TMEM74: variants seen among roughly 807,000 people sequenced by gnomAD.
The protein encoded by TMEM74 is transmembrane protein 74.
A neutral mutation model predicts 18.1 loss-of-function variants in TMEM74; 13 were observed. The observed-to-expected ratio is 0.72, with a 90% confidence interval of 0.47 to 1.14. TMEM74 has a LOEUF of 1.14. TMEM74 is among the 50% of genes most tolerant of loss of function. The pLI, the probability that TMEM74 is intolerant of heterozygous loss-of-function variation, is 0.00. For synonymous variants in TMEM74, 159 were observed against 146.6 expected, an observed-to-expected ratio of 1.08 and a Z score of -0.61; for missense variants, 372 against 375.9, an observed-to-expected ratio of 0.99 and a Z score of 0.09.
intron 1 of TMEM74, among the ~76,000 whole-genome samples, chr8:108,758,982 C>T (rs997143106): frequency 6.6e-6 from 1 of 151,930 alleles, no homozygotes; most frequent in Admixed American, 6.6e-5. Context: ...TTATATAATG[C>T]TTAAAGACAT....
intron 1 of TMEM74, among the ~76,000 whole-genome samples, chr8:108,666,375 AAG>A (rs1812949333): frequency 6.6e-6 from 1 of 152,202 alleles, no homozygotes; most frequent in Admixed American, 6.5e-5. Flanking sequence ...TAATTCCTAA[AAG>A]AATTTAAAAG....
At chr8:108,725,458 A>C (rs1813627711) in intron 1 of TMEM74, among the ~76,000 whole-genome samples, 1 of 152,154 alleles carries the variant, frequency 6.6e-6, no homozygotes, top group Non-Finnish European at 1.5e-5. Flanking sequence ...CATTCTTTTT[A>C]GTTTTCTTCC....
downstream of TMEM74, among the ~76,000 whole-genome samples, chr8:108,774,999 T>A (rs1393005100): frequency 6.6e-6 from 1 of 152,084 alleles, no homozygotes; most frequent in African/African-American, 2.4e-5. Context: ...ACCTCCAAAA[T>A]GTACATAGTA....
At chr8:108,615,792 C>T (rs1308839260) in intron 2 of TMEM74, among the ~76,000 whole-genome samples, 1 of 144,936 alleles carries the variant, frequency 6.9e-6, no homozygotes, top group African/African-American at 2.5e-5. Flanking sequence ...CTTTTATATA[C>T]CTGCAATGAT....
intron 1 of TMEM74, among the ~76,000 whole-genome samples, chr8:108,741,046 AAT>A (rs1813795099): frequency 6.6e-6 from 1 of 152,228 alleles, no homozygotes; most frequent in East Asian, 1.9e-4. Context: ...CAATATAGAT[AAT>A]ATCTTATAAA....
intron 1 of TMEM74, among the ~76,000 whole-genome samples, chr8:108,759,138 C>T (rs1300069441): frequency 1.3e-5 from 2 of 151,946 alleles, no homozygotes; most frequent in African/African-American, 2.4e-5. Context: ...GCTATAATCT[C>T]AATGGAAGTA....
intron 2 of TMEM74, among the ~76,000 whole-genome samples, chr8:108,619,784 A>G (rs16878302): frequency 0.11 from 17,211 of 152,186 alleles, 1,420 homozygotes; most frequent in East Asian, 0.43. Flanking sequence ...AAAACGTAAA[A>G]AAGTCATTTA....
intron 1 of TMEM74, among the ~76,000 whole-genome samples, chr8:108,684,413 A>G (rs7003635): frequency 0.029 from 4,457 of 151,766 alleles, 119 homozygotes; most frequent in African/African-American, 0.066. Context: ...TTTGAGAAAT[A>G]TCTCTTCAGA....
At chr8:108,688,450 G>T (rs1173038793) in intron 1 of TMEM74, among the ~76,000 whole-genome samples, 1 of 152,154 alleles carries the variant, frequency 6.6e-6, no homozygotes, top group South Asian at 2.1e-4. Flanking sequence ...GGCAGCTAGG[G>T]GAGCAAGGGC....
chr8:108,678,734 T>C (rs34668453), intron 1 of TMEM74, among the ~76,000 whole-genome samples: 36,612 of 150,036 alleles, frequency 0.24, 4,566 homozygotes, highest in East Asian at 0.29. Flanking sequence ...TTAAAATTTA[T>C]ATATTTATTT....
At position 108,767,298 on chromosome 8, in the gene TMEM74, G is replaced by T. The variant is rs371662273; in HGVS notation, n.119+20178C>A. Among the ~76,000 whole-genome samples the T allele has an allele frequency of 8.5e-5, 13 of 152,262 alleles. No homozygotes were observed. The South Asian group carries it at 2.3e-3, about 27-fold the overall frequency. ...GCTTGCTTCAAAATATTTAAGATGT[G>T]AGCATTAGCAAAACATGTTCACTAT... On this transcript the variant is annotated intron_variant and non_coding_transcript_variant, in intron 1 of 3. Transcript: ENST00000518838.
At chr8:108,609,107 T>C (rs1205542162) in intron 2 of TMEM74, among the ~76,000 whole-genome samples, 1 of 152,240 alleles carries the variant, frequency 6.6e-6, no homozygotes. Context: ...ATGGTTTCCC[T>C]CTTTGATCAT....
At chr8:108,692,365 C>A (rs904258359) in intron 1 of TMEM74, among the ~76,000 whole-genome samples, 3 of 152,306 alleles carry the variant, frequency 2.0e-5, no homozygotes, top group East Asian at 1.9e-4. Flanking sequence ...CTTCTTGAAA[C>A]CTGTCTTCTA....
rs1814316873 is a variant in TMEM74 at position 108,782,306 on chromosome 8, C to T, written c.*1875G>A. Among the ~76,000 whole-genome samples the T allele has an allele frequency of 6.6e-6, 1 of 152,176 alleles. No homozygotes were observed. The highest frequency in any genetic ancestry group is 1.5e-5 in the Non-Finnish European group (1 of 68,020). On this transcript the variant is annotated 3_prime_UTR_variant, in exon 2 of 2. Transcript: ENST00000297459. ...AGTTTGTTCAAAAAGCACAAAAATACAGCAACAGAAAGCAAAAATCATGTT... is the reference window on the plus strand; with the variant it reads ...AGTTTGTTCAAAAAGCACAAAAATATAGCAACAGAAAGCAAAAATCATGTT...
At chr8:108,747,222 G>A (rs1813857176) in intron 1 of TMEM74, among the ~76,000 whole-genome samples, 1 of 151,420 alleles carries the variant, frequency 6.6e-6, no homozygotes. Context: ...CCCAGCTGAT[G>A]TCAGGGAATT....
In TMEM74 at chr8:108,740,715, C is replaced by T. The variant is rs2130645824; in HGVS notation, n.119+46761G>A. Among the ~76,000 whole-genome samples, 3 of 152,268 alleles carry T rather than the reference C, an allele frequency of 2.0e-5. No individual in the cohort carries two copies. The South Asian group carries it at 6.2e-4, about 32-fold the overall frequency. ...ATCTGTGATCACTGATCTTGCTGTA[C>T]AGATCAGAAGGCTCTCGCTGCTGGG... On this transcript the variant is annotated intron_variant and non_coding_transcript_variant, in intron 1 of 3. Coordinates refer to the TMEM74 transcript ENST00000518838.
At chr8:108,610,978 G>A (rs1330570800) in intron 2 of TMEM74, among the ~76,000 whole-genome samples, 1 of 152,180 alleles carries the variant, frequency 6.6e-6, no homozygotes, top group African/African-American at 2.4e-5. Context: ...TGGATGAATG[G>A]TGCTCAGAGA....
At chr8:108,670,034 TGA>T (rs386413642) in intron 1 of TMEM74, among the ~76,000 whole-genome samples, 31,088 of 113,464 alleles carry the variant, frequency 0.27, 4,280 homozygotes, top group East Asian at 0.31. Context: ...TAAGATTCTG[TGA>T]AAAAAAAAAA....
Position 108,782,818 on chromosome 8 carries a change from A to G in TMEM74, c.*1363T>C, listed in dbSNP as rs1814324404. Among the ~76,000 whole-genome samples the G allele has an allele frequency of 6.6e-6, 1 of 152,190 alleles. No homozygotes were observed. The highest frequency in any genetic ancestry group is 1.5e-5 in the Non-Finnish European group (1 of 68,036). ...AACAACTCTTAGAGCACAGGTTGGA[A>G]AAACCTCCAGGCAGAGTTGCAAAAT... On this transcript the variant is annotated 3_prime_UTR_variant, in exon 2 of 2. Coordinates refer to ENST00000297459, the MANE Select transcript of TMEM74 (RefSeq NM_153015.3).
Sources: gnomAD v4.1 joint callset for allele counts (sites outside exome capture counted in the v4.1 genomes callset) on GRCh38, gnomAD v4.1.1 for gene constraint, MANE v1.5 for transcripts, NCBI Gene and HGNC (gene_info 2026-07-23, HGNC 2026-07-21) for gene names.